The following EML6 variants were observed in gnomAD, a reference collection of about 807,000 sequenced individuals.
The protein encoded by EML6 is EMAP like 6, also known as echinoderm microtubule-associated protein-like 6.
In EML6, 154 loss-of-function variants were observed where a neutral mutation model predicts 240.1. That is an observed-to-expected ratio of 0.64 (90% CI 0.56 to 0.73). EML6 has a LOEUF of 0.73. Among genes scored for constraint, EML6 ranks in the 30% least tolerant of loss-of-function variants. The pLI is 0.00. For missense variants in EML6, 2,964 were observed against 2,474.6 expected (o/e 1.20, Z -4.20); for synonymous variants, 1,148 against 899.0 (o/e 1.28, Z -4.95).
intron 38 of EML6, among the ~76,000 whole-genome samples, chr2:54,966,033 T>A (rs1482228302): frequency 6.6e-6 from 1 of 152,234 alleles, no homozygotes; most frequent in Non-Finnish European, 1.5e-5. Flanking sequence ...GCCAGTTAAG[T>A]TAGATCTCTT....
intron 22 of EML6, among the ~76,000 whole-genome samples, chr2:54,900,306 G>A (rs1187114573): frequency 6.6e-6 from 1 of 152,204 alleles, no homozygotes; most frequent in African/African-American, 2.4e-5. Context: ...ATCCCATGAT[G>A]AATGGTCCCA....
intron 2 of EML6, among the ~76,000 whole-genome samples, chr2:54,735,814 C>T (rs1683364130): frequency 6.6e-6 from 1 of 152,184 alleles, no homozygotes; most frequent in Non-Finnish European, 1.5e-5. Context: ...GAAGTGAAGT[C>T]CAGATGTCTG....
intron 25 of EML6, among the ~76,000 whole-genome samples, chr2:54,914,968 A>G (rs1673832693): frequency 6.6e-6 from 1 of 152,186 alleles, no homozygotes; most frequent in Non-Finnish European, 1.5e-5. Context: ...CTTCCTAAGC[A>G]TGCTGTGACT....
At chr2:54,855,043 T>G (rs1318173932) in intron 11 of EML6, among the ~76,000 whole-genome samples, 1 of 152,246 alleles carries the variant, frequency 6.6e-6, no homozygotes, top group South Asian at 2.1e-4. Context: ...CCAAGTCTTT[T>G]AAGGTGTGCT....
intron 2 of EML6, among the ~76,000 whole-genome samples, chr2:54,773,061 CTAAAGAGAGTGG>C: frequency 6.6e-6 from 1 of 152,308 alleles, no homozygotes; most frequent in East Asian, 1.9e-4. Context: ...GTCCCAGTTG[CTAAAGAGAGTGG>C]TAAGCCTCTC....
In EML6 at chr2:54,968,875, G is replaced by T. The variant is rs1043913717; in HGVS notation, c.5852+107G>T. On this transcript the variant is annotated intron_variant, in intron 41 of 41. Transcript: ENST00000356458. Reference sequence around the variant, plus strand: ...CTCTCCCAGGGGCATGAGGAGGGCTGATGTGGGGCTAATAAACAGGAAATT... The same window carrying T: ...CTCTCCCAGGGGCATGAGGAGGGCTTATGTGGGGCTAATAAACAGGAAATT... 1.8e-5 allele frequency: 11 copies of T among 624,760 alleles called. No homozygotes were observed. In the African/African-American group the frequency reaches 2.0e-4, roughly 11 times the overall value. The allele number at this position is 624,760 out of a possible 1,614,324, so 38.7% of individuals were successfully genotyped here.
intron 14 of EML6, 112 bp from the exon 15 acceptor site, chr2:54,869,069 G>T (rs1671117726): frequency 1.6e-6 from 1 of 629,274 alleles, no homozygotes; most frequent in Non-Finnish European, 2.7e-6. Flanking sequence ...TGACACCTGG[G>T]GTTCCACTTG....
Position 54,957,982 on chromosome 2 carries a change from C to G in EML6, c.4679C>G (p.Ser1560Cys). Residue 1560 changes from serine (S) to cysteine (C), a missense_variant, in exon 33 of 42, where the codon TCC becomes TGC. By Grantham distance (112) the Ser-to-Cys change is moderately radical. Transcript: ENST00000356458. Reference sequence around the variant, plus strand: ...GCTGCCAAAATGCAGACGATGCTCTCCGTGGCCTTCGGTGCTGTGAGTTCT... The same window carrying G: ...GCTGCCAAAATGCAGACGATGCTCTGCGTGGCCTTCGGTGCTGTGAGTTCT... The part of the protein sequence containing the change: ...LGAAKMQTML[S>C]VAFGANNLTF... 1 of 1,550,880 alleles carries G rather than the reference C, an allele frequency of 6.4e-7. No individual in the cohort carries two copies. Among genetic ancestry groups the G allele is most frequent in the African/African-American group, 1.4e-5 (1 of 73,118 alleles).
At chr2:54,956,652 A>T (rs1174679641) in intron 32 of EML6, among the ~76,000 whole-genome samples, 1 of 152,162 alleles carries the variant, frequency 6.6e-6, no homozygotes, top group African/African-American at 2.4e-5. Flanking sequence ...CCTCGCCTGG[A>T]AAGAGATTCT....
At chr2:54,960,355 T>C in intron 35 of EML6, 21 bp downstream of exon 35, 1 of 1,513,184 alleles carries the variant, frequency 6.6e-7, no homozygotes, top group Non-Finnish European at 9.0e-7. Flanking sequence ...CCAGCTCCCC[T>C]GGGGGCTGGG....
chr2:54,880,518 T>A (rs1366194372), intron 17 of EML6: 1 of 152,236 alleles, frequency 6.6e-6, no homozygotes, highest in African/African-American at 2.4e-5. Flanking sequence ...ATTTATAAAT[T>A]GCTAGAGACC....
intron 32 of EML6, among the ~76,000 whole-genome samples, chr2:54,954,789 C>T (rs1676155989): frequency 6.6e-6 from 1 of 152,198 alleles, no homozygotes; most frequent in Non-Finnish European, 1.5e-5. Context: ...GTGCAGTCCT[C>T]CTCATATATT....
chr2:54,876,931 T>C (rs1671536240), intron 16 of EML6, among the ~76,000 whole-genome samples: 1 of 152,098 alleles, frequency 6.6e-6, no homozygotes, highest in Non-Finnish European at 1.5e-5. Flanking sequence ...CACCAGAACT[T>C]ACTCTTCCTA....
chr2:54,851,371 C>T (rs1365987334), intron 10 of EML6, among the ~76,000 whole-genome samples: 1 of 152,126 alleles, frequency 6.6e-6, no homozygotes, highest in Non-Finnish European at 1.5e-5. Context: ...TGAGATCGCA[C>T]CACTGCACTC....
Position 54,911,051 on chromosome 2 carries a change from C to T in EML6, c.3498+9C>T, listed in dbSNP as rs1350194942. On this transcript the variant is annotated intron_variant, in intron 25 of 41. Coordinates refer to ENST00000356458, the MANE Select transcript of EML6 (RefSeq NM_001039753.4). ...TAATAAGACCTTCAGAGGTAATAAT[C>T]ATACACAAAGATTTTTAAAGATATT... The T allele has an allele frequency of 7.2e-7, 1 of 1,384,802 alleles. No individual in the cohort carries two copies. Among genetic ancestry groups the T allele is most frequent in the East Asian group, 2.5e-5 (1 of 39,724 alleles). 85.8% of individuals were successfully genotyped at this position (1,384,802 alleles called of 1,614,324 possible).
Position 54,893,522 on chromosome 2 carries a change from G to T in EML6, c.2742+866G>T, listed in dbSNP as rs1438818. Among the ~76,000 whole-genome samples, 4 of 151,994 alleles carry T rather than the reference G, an allele frequency of 2.6e-5. No homozygotes were observed. The South Asian group carries it at 8.3e-4, about 31-fold the overall frequency. On this transcript the variant is annotated intron_variant, in intron 19 of 41. Transcript: ENST00000356458. Reference sequence around the variant, plus strand: ...CAACTCTGAAAGTTCCCACATCTTAGTACTGTTACAGAGGCAGTTAAATTT... The same window carrying T: ...CAACTCTGAAAGTTCCCACATCTTATTACTGTTACAGAGGCAGTTAAATTT...
Position 54,895,359 on chromosome 2 carries a change from C to T in EML6, c.2941C>T (p.Leu981=). 5.8e-6 allele frequency: 9 copies of T among 1,551,998 alleles called. No individual in the cohort carries two copies. The highest frequency in any genetic ancestry group is 7.8e-6 in the Non-Finnish European group (9 of 1,146,984). Reference sequence around the variant, plus strand: ...GGTGGGAACAAAAAATGGAGAGATTCTGGAAATTGATAAGAGTGGCCCAAT... The same window carrying T: ...GGTGGGAACAAAAAATGGAGAGATTTTGGAAATTGATAAGAGTGGCCCAAT... ...ILVGTKNGEI[L]EIDKSGPMTL... Residue 981 remains leucine (L), a synonymous_variant, in exon 21 of 42, where the codon CTG becomes TTG. Transcript: ENST00000356458.
intron 7 of EML6, among the ~76,000 whole-genome samples, chr2:54,835,099 C>T (rs1669070301): frequency 6.6e-6 from 1 of 152,174 alleles, no homozygotes; most frequent in Non-Finnish European, 1.5e-5. Flanking sequence ...TGACTACTTC[C>T]CTCCTCTCCT....
intron 2 of EML6, among the ~76,000 whole-genome samples, chr2:54,785,675 T>A (rs184045944): frequency 2.0e-5 from 3 of 152,328 alleles, no homozygotes; most frequent in Non-Finnish European, 1.5e-5. Context: ...TAAGTTTTAA[T>A]GTTTTATTAT....
Sources: gnomAD v4.1 joint callset for allele counts (sites outside exome capture counted in the v4.1 genomes callset) on GRCh38, gnomAD v4.1.1 for gene constraint, MANE v1.5 for transcripts, NCBI Gene and HGNC (gene_info 2026-07-23, HGNC 2026-07-21) for gene names.